Variants in RBM45 observed in about 807,000 individuals in gnomAD.
The protein encoded by RBM45 is RNA-binding protein 45.
RBM45 carries 39 observed loss-of-function variants against 58.5 expected under a neutral mutation model. The ratio of observed to expected loss-of-function variants is 0.67; its 90% CI spans 0.52 to 0.87. RBM45 has a LOEUF of 0.87. Among genes scored for constraint, RBM45 ranks in the 40% least tolerant of loss-of-function variants. RBM45 has a pLI of 0.00. For missense variants in RBM45, 481 were observed against 581.6 expected, an observed-to-expected ratio of 0.83 and a Z score of 1.78; for synonymous variants, 193 against 203.0, an observed-to-expected ratio of 0.95 and a Z score of 0.42.
Position 178,112,531 on chromosome 2 carries a change from A to G in RBM45, c.-16A>G, listed in dbSNP as rs1204284925. Reference sequence around the variant, plus strand: ...AAGCAAAGAGCAGTGAGGCTCCTGCATTCGGGTGGAGCACCATGGACGAAG... The same window carrying G: ...AAGCAAAGAGCAGTGAGGCTCCTGCGTTCGGGTGGAGCACCATGGACGAAG... On this transcript the variant is annotated 5_prime_UTR_variant, in exon 1 of 10. Transcript: ENST00000286070. 2 of 1,606,658 alleles carry G rather than the reference A, an allele frequency of 1.2e-6. No homozygotes were observed. Among genetic ancestry groups the G allele is most frequent in the South Asian group, 1.1e-5 (1 of 90,550 alleles).
intron 3 of RBM45, among the ~76,000 whole-genome samples, chr2:178,118,395 CATTAACTT>C (rs1470928588): frequency 6.6e-6 from 1 of 152,090 alleles, no homozygotes; most frequent in Non-Finnish European, 1.5e-5. Context: ...AGAGCAACTA[CATTAACTT>C]AGTAAGTGAA....
chr2:178,120,363 G>A lies in RBM45; in HGVS notation c.627G>A (p.Arg209=), dbSNP rs1322175240. The change falls in exon 4 of 10, where the codon AGG becomes AGA. Residue 209 remains arginine, a synonymous_variant. Coordinates refer to ENST00000286070, the MANE Select transcript of RBM45 (RefSeq NM_152945.4). ...SSEQDYYSNM[R]QEALGHEPRV... is the part of the protein sequence containing the mutation. Reference sequence around the variant, plus strand: ...AACAAGATTATTATAGTAATATGAGGCAAGAAGCTTTGGGACATGAACCTA... The same window carrying A: ...AACAAGATTATTATAGTAATATGAGACAAGAAGCTTTGGGACATGAACCTA... The A allele has an allele frequency of 6.2e-7, 1 of 1,613,136 alleles. No individual in the cohort carries two copies. The highest frequency in any genetic ancestry group is 1.7e-5 in the Admixed American group (1 of 59,944).
At chr2:178,132,973 G>A (rs2088016575), downstream of RBM45, among the ~76,000 whole-genome samples, 1 of 152,184 alleles carries the variant, frequency 6.6e-6, no homozygotes, top group Non-Finnish European at 1.5e-5. Context: ...CTGCAGGTTT[G>A]GGGTGAGTTT....
intron 3 of RBM45, among the ~76,000 whole-genome samples, chr2:178,136,292 A>G (rs2088044710): frequency 6.6e-6 from 1 of 152,260 alleles, no homozygotes; most frequent in African/African-American, 2.4e-5. Context: ...CCTGAGCGAC[A>G]GAGCGAGACT....
Position 178,120,268 on chromosome 2 carries a change from AT to A in RBM45, c.551-17del, listed in dbSNP as rs1236165398. 1 of 1,611,690 alleles carries A rather than the reference AT, an allele frequency of 6.2e-7. No individual in the cohort carries two copies. Among genetic ancestry groups the A allele is most frequent in the Non-Finnish European group, 8.5e-7 (1 of 1,179,142 alleles). ...TGTTAAATTTGCTGTGAAACTTGAAATTCATGGGGTTTTTTCAGGTTTTAGA... is the reference window on the plus strand; with the variant it reads ...TGTTAAATTTGCTGTGAAACTTGAAATCATGGGGTTTTTTCAGGTTTTAGA... On this transcript the variant is annotated intron_variant, in intron 3 of 9. Transcript: ENST00000286070.
At chr2:178,133,237 A>T (rs776989916), downstream of RBM45, among the ~76,000 whole-genome samples, 4 of 152,222 alleles carry the variant, frequency 2.6e-5, no homozygotes, top group African/African-American at 4.8e-5. Flanking sequence ...ATAATAGGCC[A>T]TCTTTTTTTA....
intron 9 of RBM45, among the ~76,000 whole-genome samples, chr2:178,129,182 TTTG>T (rs2087974835): frequency 6.6e-6 from 1 of 152,230 alleles, no homozygotes; most frequent in Non-Finnish European, 1.5e-5. Flanking sequence ...CATCAGATTT[TTTG>T]TTAATTCACA....
intron 3 of RBM45, among the ~76,000 whole-genome samples, chr2:178,135,346 C>T (rs2088037088): frequency 6.6e-6 from 1 of 152,202 alleles, no homozygotes; most frequent in Non-Finnish European, 1.5e-5. Context: ...TTTGGTTTAT[C>T]ATCACCAACT....
chr2:178,115,112 G>A (rs745354789), intron 1 of RBM45, among the ~76,000 whole-genome samples: 36 of 152,136 alleles, frequency 2.4e-4, no homozygotes, highest in Non-Finnish European at 4.3e-4. Context: ...GTTATCTGGC[G>A]GAAAGGGGGA....
chr2:178,112,497 A>C lies in RBM45; in HGVS notation c.-50A>C. On this transcript the variant is annotated 5_prime_UTR_variant, in exon 1 of 10. Transcript: ENST00000286070. ...GGGTGTGAGACAGCAGCGGTGGCAG[A>C]CACCGCAGAAGCAAAGAGCAGTGAG... The C allele has an allele frequency of 6.6e-7, 1 of 1,509,490 alleles. No individual in the cohort carries two copies. Among genetic ancestry groups the C allele is most frequent in the East Asian group, 2.3e-5 (1 of 44,076 alleles). The allele number at this position is 1,509,490 out of a possible 1,614,324, so 93.5% of individuals were successfully genotyped here. A position where few individuals can be genotyped will look rare whatever the true frequency, so the allele number is the denominator to read the frequency against.
At chr2:178,125,870 G>A (rs2087922312) in intron 8 of RBM45, 114 bp from the exon 9 acceptor site, 3 of 752,764 alleles carry the variant, frequency 4.0e-6, no homozygotes, top group Middle Eastern at 2.3e-4. Context: ...ACATGAGTTG[G>A]ATGTTGGATC....
chr2:178,123,573 A>C lies in RBM45; in HGVS notation c.905A>C (p.Tyr302Ser). 1 of 1,608,362 alleles carries C rather than the reference A, an allele frequency of 6.2e-7. No individual in the cohort carries two copies. The highest frequency in any genetic ancestry group is 2.2e-5 in the East Asian group (1 of 44,832). Residue 302 changes from tyrosine (Y) to serine (S), a missense_variant, in exon 6 of 10, where the codon TAC (tyrosine) becomes TCC (serine). Transcript: ENST00000286070. The stretch of plus-strand genomic sequence containing the variant: ...GTAGCATCAGCTATTTATGCAAAAT[A>C]CAAATTACATGGATTTCAGTACCCT... ...FNVASAIYAK[Y>S]KLHGFQYPPG...
chr2:178,138,964 A>C (rs574457843), exon 4 of RBM45: 1 of 151,858 alleles, frequency 6.6e-6, no homozygotes, highest in African/African-American at 2.4e-5. Flanking sequence ...AAGATTAAGA[A>C]TCTTTTGAAG....
chr2:178,137,555 A>C (rs1184609034), exon 4 of RBM45: 1 of 152,244 alleles, frequency 6.6e-6, no homozygotes, highest in Non-Finnish European at 1.5e-5. Context: ...ATTTGAAGGA[A>C]TCTCACAAAC....
chr2:178,124,096 T>C, intron 7 of RBM45, 31 bp from the exon 8 acceptor site: 6 of 1,570,770 alleles, frequency 3.8e-6, no homozygotes, highest in Non-Finnish European at 4.3e-6. Context: ...AGGGCATTTT[T>C]TTCTTTTTCT....
chr2:178,116,189 G>T, intron 1 of RBM45, 73 bp from the exon 2 acceptor site: 24 of 1,446,834 alleles, frequency 1.7e-5, no homozygotes, highest in South Asian at 9.6e-5. Context: ...AAGAATAATT[G>T]CTTTTGAAAA....
At chr2:178,118,686 T>A (rs2087809660) in intron 3 of RBM45, among the ~76,000 whole-genome samples, 1 of 152,168 alleles carries the variant, frequency 6.6e-6, no homozygotes, top group South Asian at 2.1e-4. Context: ...CTGATGTTGC[T>A]GTATATATAA....
chr2:178,128,555 T>C (rs1022666804), intron 9 of RBM45, among the ~76,000 whole-genome samples: 8 of 152,232 alleles, frequency 5.3e-5, no homozygotes, highest in Non-Finnish European at 1.2e-4. Context: ...ACCACATTTT[T>C]CCCTTAAACT....
intron 2 of RBM45, among the ~76,000 whole-genome samples, 185 bp downstream of exon 2, chr2:178,116,569 T>G (rs1005039718): frequency 1.3e-5 from 2 of 152,212 alleles, no homozygotes; most frequent in Non-Finnish European, 2.9e-5. Flanking sequence ...TTTTTAAAAT[T>G]AAAGAATATA....
Sources: allele counts gnomAD v4.1 joint callset (sites outside exome capture counted in the v4.1 genomes callset), GRCh38; gene constraint gnomAD v4.1.1; transcripts MANE v1.5; gene names NCBI Gene and HGNC (gene_info 2026-07-23, HGNC 2026-07-21).